Variants in FBXO5 observed in about 807,000 individuals in gnomAD.
The protein encoded by FBXO5 is F-box only protein 5.
A neutral mutation model predicts 43.3 loss-of-function variants in FBXO5; 8 were observed. The ratio of observed to expected loss-of-function variants is 0.18; its 90% CI spans 0.11 to 0.33. The LOEUF (loss-of-function observed/expected upper bound fraction) is 0.33, where lower values mean the gene tolerates loss of function less well. Among genes scored for constraint, FBXO5 ranks in the 10% least tolerant of loss-of-function variants. FBXO5 has a pLI of 1.00. For missense variants in FBXO5, 491 were observed against 535.7 expected, an observed-to-expected ratio of 0.92 and a Z score of 0.82; for synonymous variants, 204 against 193.7, an observed-to-expected ratio of 1.05 and a Z score of -0.44.
intron 2 of FBXO5, among the ~76,000 whole-genome samples, chr6:152,974,361 T>A (rs944391386): frequency 6.6e-6 from 1 of 152,212 alleles, no homozygotes; most frequent in African/African-American, 2.4e-5. Context: ...ATTAGACATG[T>A]AGACTGGAAC....
At chr6:152,972,124 A>C (rs1344799788) in intron 4 of FBXO5, 148 bp downstream of exon 4, 1 of 522,388 alleles carries the variant, frequency 1.9e-6, no homozygotes, top group African/African-American at 1.9e-5. Context: ...AATTAAATTT[A>C]AATGATCATT....
chr6:152,971,210 G>T lies in FBXO5; in HGVS notation c.1297C>A (p.Pro433Thr). ...TTGCTTTTCTTTGTACCAGGCAGGGGACCTATTTTACAACTGGCTTTGAGG... is the reference window on the plus strand; with the variant it reads ...TTGCTTTTCTTTGTACCAGGCAGGGTACCTATTTTACAACTGGCTTTGAGG... ...KLLKASCKIG[P>T]LPGTKKSKKN... Residue 433 changes from proline (P) to threonine (T), a missense_variant, in exon 5 of 5, where the codon CCC becomes ACC. Physicochemically the swap from Pro to Thr is conservative, Grantham distance 38. Coordinates refer to ENST00000229758, the MANE Select transcript of FBXO5 (RefSeq NM_012177.5). 6 of 1,613,438 alleles carry T rather than the reference G, an allele frequency of 3.7e-6. No individual in the cohort carries two copies. Among genetic ancestry groups the T allele is most frequent in the Non-Finnish European group, 5.1e-6 (6 of 1,179,742 alleles).
At chr6:152,973,798 G>T (rs998144018) in intron 2 of FBXO5, 1 of 152,274 alleles carries the variant, frequency 6.6e-6, no homozygotes, top group African/African-American at 2.4e-5. Flanking sequence ...AGAGGTTGCA[G>T]TGAGCTGAGA....
chr6:152,983,022 C>A lies in FBXO5; in HGVS notation c.-63G>T. On this transcript the variant is annotated 5_prime_UTR_variant, in exon 1 of 5. Coordinates refer to ENST00000229758, the MANE Select transcript of FBXO5 (RefSeq NM_012177.5). ...GCTCCGGGGGCAGCTGAGCAACCTGCCTGCTTCACAGACCTGTATCTCTTA... is the reference window on the plus strand; with the variant it reads ...GCTCCGGGGGCAGCTGAGCAACCTGACTGCTTCACAGACCTGTATCTCTTA... The A allele has an allele frequency of 9.9e-7, 1 of 1,013,108 alleles. No individual in the cohort carries two copies. Among genetic ancestry groups the A allele is most frequent in the South Asian group, 2.1e-5 (1 of 48,754 alleles). The allele number at this position is 1,013,108 out of a possible 1,614,324, so 62.8% of individuals were successfully genotyped here. A position where few individuals can be genotyped will look rare whatever the true frequency, so the allele number is the denominator to read the frequency against.
At chr6:152,979,347 G>A (rs1385857312) in intron 1 of FBXO5, among the ~76,000 whole-genome samples, 2 of 152,054 alleles carry the variant, frequency 1.3e-5, no homozygotes, top group African/African-American at 4.8e-5. Flanking sequence ...TGGTTATTTT[G>A]TAGCCTGTTC....
upstream of FBXO5, chr6:152,983,172 C>T: frequency 2.5e-6 from 1 of 400,274 alleles, no homozygotes; most frequent in Non-Finnish European, 4.4e-6. Flanking sequence ...CCCTCGTCCG[C>T]GCCCAATTGG....
At chr6:152,971,534 C>T in intron 4 of FBXO5, 120 bp from the exon 5 acceptor site, 1 of 948,778 alleles carries the variant, frequency 1.1e-6, no homozygotes, top group South Asian at 1.7e-5. Context: ...CACTGTCACA[C>T]ATACGATAAC....
intron 1 of FBXO5, 30 bp from the exon 2 acceptor site, chr6:152,975,651 A>G: frequency 6.9e-7 from 1 of 1,445,958 alleles, no homozygotes; most frequent in South Asian, 1.3e-5. Flanking sequence ...TTTACATCTT[A>G]ATGGCAAAAT....
chr6:152,973,876 A>C (rs1296617715), intron 2 of FBXO5: 2 of 150,112 alleles, frequency 1.3e-5, no homozygotes, highest in Non-Finnish European at 3.0e-5. Flanking sequence ...AAAAAAAAAG[A>C]AGCTGTTTAT....
At chr6:152,971,602 C>T (rs1364817262) in intron 4 of FBXO5, among the ~76,000 whole-genome samples, 188 bp from the exon 5 acceptor site, 1 of 152,034 alleles carries the variant, frequency 6.6e-6, no homozygotes, top group African/African-American at 2.4e-5. Flanking sequence ...TCAATAAATG[C>T]TTTTTGAATA....
At chr6:152,975,882 C>T (rs1778161988) in intron 1 of FBXO5, among the ~76,000 whole-genome samples, 1 of 152,162 alleles carries the variant, frequency 6.6e-6, no homozygotes, top group African/African-American at 2.4e-5. Context: ...GCTTTTGGAT[C>T]TGCCTGGCTG....
rs907569575 is a variant in FBXO5 at position 152,971,566 on chromosome 6, TTATC to T, written c.1093-156_1093-153del. The T allele has an allele frequency of 1.7e-4, 129 of 738,314 alleles. No homozygotes were observed. In the African/African-American group the frequency reaches 2.2e-3, roughly 13 times the overall value. 45.7% of individuals were successfully genotyped at this position (738,314 alleles called of 1,614,324 possible). On this transcript the variant is annotated intron_variant, in intron 4 of 4. Transcript: ENST00000229758. Reference sequence around the variant, plus strand: ...TAACTACTGCCCTAACTATTGCCCTTTATCTATGCATTATCTGATAGATGCTCAA... The same window carrying T: ...TAACTACTGCCCTAACTATTGCCCTTTATGCATTATCTGATAGATGCTCAA...
chr6:152,974,421 T>C (rs1318471186), intron 2 of FBXO5, among the ~76,000 whole-genome samples: 1 of 152,122 alleles, frequency 6.6e-6, no homozygotes, highest in African/African-American at 2.4e-5. Flanking sequence ...ATATTAGAAA[T>C]TTCAAAACTA....
intron 4 of FBXO5, 123 bp downstream of exon 4, chr6:152,972,149 T>G: frequency 3.5e-6 from 2 of 574,498 alleles, no homozygotes; most frequent in South Asian, 7.1e-5. Flanking sequence ...TCAGGTTTCT[T>G]AATGTCAGAG....
At chr6:152,973,946 T>A (rs1778124096) in intron 2 of FBXO5, 1 of 150,010 alleles carries the variant, frequency 6.7e-6, no homozygotes, top group Non-Finnish European at 1.5e-5. Flanking sequence ...TTGCAAAGAG[T>A]ACCTCTAGAT....
intron 1 of FBXO5, among the ~76,000 whole-genome samples, chr6:152,977,342 T>G (rs1648944698): frequency 6.6e-6 from 1 of 152,226 alleles, no homozygotes; most frequent in Non-Finnish European, 1.5e-5. Flanking sequence ...CACTAAATAT[T>G]GGTAATGCGT....
At position 152,982,893 on chromosome 6, in the gene FBXO5, C is replaced by T; in HGVS notation, c.67G>A (p.Ala23Thr). ...PRCSCSASPS[A>T]VTAAGRPRPS... ...CGAGGGCGCCCGGCGGCTGTCACTG[C>T]GCTGGGGCTGGCGCTGCAGGAGCAG... Residue 23 changes from alanine (A) to threonine (T), a missense_variant, in exon 1 of 5, where the codon GCA becomes ACA. By Grantham distance (58) the Ala-to-Thr change is moderately conservative. Coordinates refer to ENST00000229758, the MANE Select transcript of FBXO5 (RefSeq NM_012177.5). 6.6e-7 allele frequency: 1 copy of T among 1,512,164 alleles called. No homozygotes were observed. The highest frequency in any genetic ancestry group is 8.8e-7 in the Non-Finnish European group (1 of 1,137,062). The allele number at this position is 1,512,164 out of a possible 1,614,324, so 93.7% of individuals were successfully genotyped here. A position where few individuals can be genotyped will look rare whatever the true frequency, so the allele number is the denominator to read the frequency against.
At chr6:152,978,882 T>C (rs890965312) in intron 1 of FBXO5, among the ~76,000 whole-genome samples, 16 of 151,692 alleles carry the variant, frequency 1.1e-4, no homozygotes, top group Non-Finnish European at 4.4e-5. Context: ...TACCAACTAC[T>C]AGGGAGGCTG....
chr6:152,974,802 G>A (rs1262185666), intron 2 of FBXO5, 105 bp downstream of exon 2: 2 of 854,302 alleles, frequency 2.3e-6, no homozygotes, highest in South Asian at 1.8e-5. Context: ...TCAGATGAGG[G>A]ACACTCAACC....
Sources: gnomAD v4.1 joint callset for allele counts (sites outside exome capture counted in the v4.1 genomes callset) on GRCh38, gnomAD v4.1.1 for gene constraint, MANE v1.5 for transcripts, NCBI Gene and HGNC (gene_info 2026-07-23, HGNC 2026-07-21) for gene names.